The following HIF1A variants were observed in gnomAD, a reference collection of about 807,000 sequenced individuals.
HIF1A encodes hypoxia inducible factor 1 subunit alpha.
HIF1A carries 24 observed loss-of-function variants against 92.7 expected under a neutral mutation model. That is an observed-to-expected ratio of 0.26 (90% CI 0.19 to 0.36). The LOEUF (loss-of-function observed/expected upper bound fraction) is 0.36, where lower values mean the gene tolerates loss of function less well. Ranked by LOEUF, HIF1A falls within the 10% of genes least tolerant of loss-of-function variation. The pLI is 1.00. For synonymous variants in HIF1A, 319 were observed against 338.7 expected (o/e 0.94, Z 0.64); for missense variants, 799 against 998.5 (o/e 0.80, Z 2.69).
intron 1 of HIF1A, among the ~76,000 whole-genome samples, chr14:61,707,486 G>A (rs1447255371): frequency 6.6e-6 from 1 of 151,812 alleles, no homozygotes; most frequent in Non-Finnish European, 1.5e-5. Flanking sequence ...GCCCCGGCGT[G>A]TGATGTTCCC....
Position 61,740,502 on chromosome 14 carries a change from C to T in HIF1A, c.1537-3C>T, listed in dbSNP as rs376973841. On this transcript the variant is annotated splice_polypyrimidine_tract_variant and splice_region_variant and intron_variant, in intron 10 of 14. Transcript: ENST00000337138. ...GAAATAGTAAACATATTTCTTTTTA[C>T]AGCCTAATAGTCCCAGTGAATATTG... 12 of 1,554,396 alleles carry T rather than the reference C, an allele frequency of 7.7e-6. No individual in the cohort carries two copies. The highest frequency in any genetic ancestry group is 2.3e-5 in the East Asian group (1 of 44,398).
intron 1 of HIF1A, among the ~76,000 whole-genome samples, chr14:61,702,539 C>CT (rs1439635719): frequency 6.6e-6 from 1 of 150,758 alleles, no homozygotes; most frequent in African/African-American, 2.4e-5. Flanking sequence ...TCTCCTTTGA[C>CT]TTTTTTTGAT....
chr14:61,719,761 C>T (rs1280219908), intron 1 of HIF1A, among the ~76,000 whole-genome samples: 1 of 152,134 alleles, frequency 6.6e-6, no homozygotes, highest in African/African-American at 2.4e-5. Context: ...TATTTGGCAC[C>T]TGTTGTGCCA....
At position 61,727,561 on chromosome 14, in the gene HIF1A, A is replaced by G; in HGVS notation, c.679A>G (p.Ile227Val). ...MTCLVLICEPIPHPSNIEIPL... is the reference protein window; with the variant it reads ...MTCLVLICEPVPHPSNIEIPL... ...CTGCTTGGTGCTGATTTGTGAACCC[A>G]TTCCTCACCCATCAAATATTGAAAT... The change falls in exon 6 of 15, where the codon ATT (isoleucine) becomes GTT (valine). Residue 227 changes from isoleucine (I) to valine (V), a missense_variant. Physicochemically the swap from Ile to Val is conservative, Grantham distance 29. Transcript: ENST00000337138. 1 of 1,613,804 alleles carries G rather than the reference A, an allele frequency of 6.2e-7. No individual in the cohort carries two copies. Among genetic ancestry groups the G allele is most frequent in the Non-Finnish European group, 8.5e-7 (1 of 1,179,724 alleles).
At chr14:61,720,276 T>C in intron 1 of HIF1A, 106 bp from the exon 2 acceptor site, 1 of 745,774 alleles carries the variant, frequency 1.3e-6, no homozygotes, top group Non-Finnish European at 2.1e-6. Flanking sequence ...ACATGGCATC[T>C]TCTAATCCTT....
chr14:61,714,807 G>A (rs2044344846), intron 1 of HIF1A, among the ~76,000 whole-genome samples: 2 of 152,148 alleles, frequency 1.3e-5, no homozygotes, highest in Admixed American at 6.5e-5. Flanking sequence ...GCCAAGGTGG[G>A]CAGATCACCT....
intron 1 of HIF1A, among the ~76,000 whole-genome samples, chr14:61,696,413 G>A (rs566137150): frequency 2.6e-5 from 4 of 152,228 alleles, no homozygotes; most frequent in Non-Finnish European, 1.5e-5. Context: ...TTGTCCAGCC[G>A]TCGCGGGTGT....
At chr14:61,726,906 G>T in intron 5 of HIF1A, 88 bp downstream of exon 5, 13 of 687,292 alleles carry the variant, frequency 1.9e-5, no homozygotes, top group South Asian at 4.6e-5. Flanking sequence ...TGTGAGGGAA[G>T]GTTTACAGTT....
chr14:61,703,071 T>G (rs2044195638), intron 1 of HIF1A, among the ~76,000 whole-genome samples: 1 of 152,170 alleles, frequency 6.6e-6, no homozygotes, highest in South Asian at 2.1e-4. Flanking sequence ...ATTACTGCCT[T>G]TTTATCAAAC....
At chr14:61,739,212 T>C (rs1367722824) in intron 10 of HIF1A, among the ~76,000 whole-genome samples, 6 of 152,204 alleles carry the variant, frequency 3.9e-5, no homozygotes, top group Non-Finnish European at 8.8e-5. Flanking sequence ...TTACATAAAA[T>C]AAATACTTAG....
intron 1 of HIF1A, among the ~76,000 whole-genome samples, chr14:61,709,398 GA>G (rs1306142417): frequency 6.6e-6 from 1 of 152,078 alleles, no homozygotes; most frequent in Non-Finnish European, 1.5e-5. Context: ...ACATGTAAAT[GA>G]AAAATTTACA....
At chr14:61,728,301 A>C (rs1330298225) in intron 6 of HIF1A, among the ~76,000 whole-genome samples, 2 of 152,200 alleles carry the variant, frequency 1.3e-5, no homozygotes, top group Admixed American at 1.3e-4. Context: ...CTAGAAAGCC[A>C]AGTGTTTGTA....
chr14:61,725,387 A>G (rs999200736), intron 4 of HIF1A, among the ~76,000 whole-genome samples: 2 of 151,118 alleles, frequency 1.3e-5, no homozygotes, highest in African/African-American at 4.8e-5. Flanking sequence ...CAATGAAGAT[A>G]AGAAATCAAG....
chr14:61,723,481 A>C (rs1033757128), intron 4 of HIF1A, among the ~76,000 whole-genome samples: 2 of 152,118 alleles, frequency 1.3e-5, no homozygotes, highest in African/African-American at 2.4e-5. Flanking sequence ...TTGAATTCTC[A>C]CATTCTGTCT....
intron 14 of HIF1A, 106 bp downstream of exon 14, chr14:61,745,923 G>C: frequency 9.3e-7 from 1 of 1,071,736 alleles, no homozygotes; most frequent in Non-Finnish European, 1.4e-6. Context: ...TCCTTAGCAA[G>C]ATTAAAAAGT....
intron 8 of HIF1A, 111 bp downstream of exon 8, chr14:61,734,396 C>G (rs954573892): frequency 2.8e-6 from 2 of 712,588 alleles, no homozygotes; most frequent in African/African-American, 3.7e-5. Context: ...AATTTTAATT[C>G]TTTTACATCG....
rs2044661153 is a variant in HIF1A, at chr14:61,738,104, C to T, written c.1267C>T (p.Gln423Ter). 6.2e-7 allele frequency: 1 copy of T among 1,602,394 alleles called. No homozygotes were observed. The highest frequency in any genetic ancestry group is 1.7e-5 in the Admixed American group (1 of 58,048). The change falls in exon 10 of 15, where the codon CAG becomes TAG. Residue 423 changes from glutamine (Q) to a stop codon, truncating the protein, a stop_gained. Transcript: ENST00000337138. LOFTEE classifies it high-confidence loss of function. ...FGSNDTETDDQQLEEVPLYND... is the reference protein window; with the variant it reads ...FGSNDTETDD The stretch of plus-strand genomic sequence containing the variant: ...CCCCACAGACACAGAAACTGATGAC[C>T]AGCAACTTGAGGAAGTACCATTATA...
At chr14:61,704,883 A>G (rs1055258404) in intron 1 of HIF1A, among the ~76,000 whole-genome samples, 3 of 152,118 alleles carry the variant, frequency 2.0e-5, no homozygotes, top group African/African-American at 7.2e-5. Context: ...ATGTTCATTC[A>G]TTCATTCATA....
At chr14:61,723,700 CTT>C in intron 4 of HIF1A, among the ~76,000 whole-genome samples, 1 of 152,182 alleles carries the variant, frequency 6.6e-6, no homozygotes. Context: ...CTGCTCAGTG[CTT>C]CCCTGGGGCT....
Sources: allele counts gnomAD v4.1 joint callset (sites outside exome capture counted in the v4.1 genomes callset), GRCh38; gene constraint gnomAD v4.1.1; transcripts MANE v1.5; gene names NCBI Gene and HGNC (gene_info 2026-07-23, HGNC 2026-07-21).